NRG3: variants seen among roughly 807,000 people sequenced by gnomAD.
NRG3 encodes pro-neuregulin-3, membrane-bound isoform.
In NRG3, 31 loss-of-function variants were observed where a neutral mutation model predicts 66.9. The observed-to-expected ratio is 0.46, with a 90% CI of 0.35 to 0.63. The LOEUF (loss-of-function observed/expected upper bound fraction) is 0.63, where lower values mean the gene tolerates loss of function less well. Ranked by LOEUF, NRG3 falls within the 20% of genes least tolerant of loss-of-function variation. The pLI, the probability that NRG3 is intolerant of heterozygous loss-of-function variation, is 0.00. For missense variants in NRG3, 910 were observed against 878.9 expected, an observed-to-expected ratio of 1.04 and a Z score of -0.45; for synonymous variants, 393 against 359.4, an observed-to-expected ratio of 1.09 and a Z score of -1.06.
At chr10:82,859,751 C>G (rs189271888) in intron 3 of NRG3, among the ~76,000 whole-genome samples, 16 of 152,296 alleles carry the variant, frequency 1.1e-4, no homozygotes, top group African/African-American at 2.6e-4. Flanking sequence ...TTTAAATGTT[C>G]TCACCGCATA....
chr10:82,035,263 T>G (rs892560571), intron 1 of NRG3, among the ~76,000 whole-genome samples: 1 of 152,136 alleles, frequency 6.6e-6, no homozygotes, highest in Non-Finnish European at 1.5e-5. Context: ...GTGTCAATGC[T>G]TGTGGTATCA....
intron 1 of NRG3, among the ~76,000 whole-genome samples, chr10:81,973,625 C>CTG (rs1440123135): frequency 6.6e-6 from 1 of 152,104 alleles, no homozygotes; most frequent in Non-Finnish European, 1.5e-5. Context: ...GATGGTATCT[C>CTG]ATTGCAGTTT....
At chr10:82,492,630 G>T (rs1054986875) in intron 2 of NRG3, among the ~76,000 whole-genome samples, 1 of 152,214 alleles carries the variant, frequency 6.6e-6, no homozygotes, top group South Asian at 2.1e-4. Context: ...AACAGAGTTT[G>T]CAAGTAGAGA....
At chr10:82,388,342 G>A (rs558178943) in intron 2 of NRG3, among the ~76,000 whole-genome samples, 50 of 152,204 alleles carry the variant, frequency 3.3e-4, no homozygotes, top group African/African-American at 1.2e-3. Context: ...AAAAGAGAAT[G>A]TATTTGCTTG....
chr10:82,172,004 G>A (rs1237311399), intron 1 of NRG3, among the ~76,000 whole-genome samples: 1 of 152,054 alleles, frequency 6.6e-6, no homozygotes, highest in Non-Finnish European at 1.5e-5. Context: ...TGGAATTTGG[G>A]CTAATTATTG....
intron 1 of NRG3, among the ~76,000 whole-genome samples, chr10:82,312,095 A>G (rs1218361130): frequency 3.9e-5 from 6 of 152,260 alleles, no homozygotes; most frequent in South Asian, 4.1e-4. Flanking sequence ...GCACTCACTA[A>G]ATATTGGTTG....
At chr10:82,146,433 C>A (rs2070266042) in intron 1 of NRG3, among the ~76,000 whole-genome samples, 1 of 152,032 alleles carries the variant, frequency 6.6e-6, no homozygotes, top group South Asian at 2.1e-4. Context: ...GAGCATCACA[C>A]AGGAGATTCT....
chr10:82,222,032 G>C (rs888808113), intron 1 of NRG3, among the ~76,000 whole-genome samples: 1 of 151,698 alleles, frequency 6.6e-6, no homozygotes, highest in Non-Finnish European at 1.5e-5. Context: ...CTTTCTTCTT[G>C]TAAGTGTTAC....
chr10:82,743,492 A>T (rs2058515609), intron 3 of NRG3, among the ~76,000 whole-genome samples: 1 of 152,134 alleles, frequency 6.6e-6, no homozygotes, highest in African/African-American at 2.4e-5. Context: ...AAGAAAAGAA[A>T]AAAACAATCT....
chr10:82,168,004 A>T (rs1482378974), intron 1 of NRG3, among the ~76,000 whole-genome samples: 1 of 152,054 alleles, frequency 6.6e-6, no homozygotes, highest in African/African-American at 2.4e-5. Context: ...GGAAAAAAAA[A>T]CCCTTGGAAA....
chr10:82,970,267 C>T (rs1043102844), intron 6 of NRG3, among the ~76,000 whole-genome samples: 2 of 152,124 alleles, frequency 1.3e-5, no homozygotes, highest in African/African-American at 4.8e-5. Context: ...TTTCCAGGGC[C>T]TTTTCCTTTA....
intron 1 of NRG3, among the ~76,000 whole-genome samples, chr10:82,175,907 G>A (rs774857942): frequency 1.3e-5 from 2 of 152,126 alleles, no homozygotes; most frequent in African/African-American, 4.8e-5. Context: ...CCATGATATA[G>A]TTGCAATTGT....
intron 1 of NRG3, among the ~76,000 whole-genome samples, chr10:82,034,884 A>C (rs1345119860): frequency 6.6e-6 from 1 of 152,052 alleles, no homozygotes; most frequent in African/African-American, 2.4e-5. Context: ...GCCCACACCC[A>C]GTGGACTAAA....
At chr10:82,016,465 G>A (rs1199624807) in intron 1 of NRG3, among the ~76,000 whole-genome samples, 2 of 151,762 alleles carry the variant, frequency 1.3e-5, no homozygotes, top group African/African-American at 4.8e-5. Context: ...AGAGTGTGGA[G>A]TACAAGACGA....
chr10:82,619,711 G>A (rs1444980617), intron 2 of NRG3, among the ~76,000 whole-genome samples: 1 of 152,154 alleles, frequency 6.6e-6, no homozygotes, highest in South Asian at 2.1e-4. Context: ...TTATGAGGGT[G>A]AGCCCTAATC....
intron 4 of NRG3, among the ~76,000 whole-genome samples, chr10:82,875,575 A>G (rs1841743316): frequency 6.6e-6 from 1 of 152,100 alleles, no homozygotes; most frequent in South Asian, 2.1e-4. Flanking sequence ...CAAGGCTGGT[A>G]TCAAACTCCT....
chr10:81,915,037 G>T (rs1214686665), intron 1 of NRG3, among the ~76,000 whole-genome samples: 2 of 152,118 alleles, frequency 1.3e-5, no homozygotes, highest in Non-Finnish European at 2.9e-5. Flanking sequence ...TTTTATCAAA[G>T]ATCACGTGGA....
chr10:82,270,954 C>T (rs1333401711), intron 1 of NRG3, among the ~76,000 whole-genome samples: 1 of 152,096 alleles, frequency 6.6e-6, no homozygotes, highest in Non-Finnish European at 1.5e-5. Flanking sequence ...CTAATTTTCC[C>T]TTCTTCATTC....
chr10:82,107,547 T>A (rs1229916857), intron 1 of NRG3, among the ~76,000 whole-genome samples: 2 of 152,282 alleles, frequency 1.3e-5, no homozygotes, highest in African/African-American at 2.4e-5. Flanking sequence ...CAGAAAAAAA[T>A]TAATTTTCCC....
Sources: gnomAD v4.1 joint callset for allele counts (sites outside exome capture counted in the v4.1 genomes callset) on GRCh38, gnomAD v4.1.1 for gene constraint, MANE v1.5 for transcripts, NCBI Gene and HGNC (gene_info 2026-07-23, HGNC 2026-07-21) for gene names.